Variants in GIMAP8 observed in about 807,000 individuals in gnomAD.
GIMAP8 encodes the protein GTPase IMAP family member 8.
GIMAP8 carries 29 observed loss-of-function variants against 35.6 expected under a neutral mutation model. The observed-to-expected ratio is 0.81, with a 90% CI of 0.61 to 1.11. The LOEUF is 1.11. Ranked by LOEUF, GIMAP8 falls within the 50% of genes most tolerant of loss-of-function variation. The probability of loss-of-function intolerance (pLI) is 0.00; values close to 1 mark genes in which losing one functional copy is unlikely to be tolerated. For synonymous variants in GIMAP8, 335 were observed against 308.7 expected, an observed-to-expected ratio of 1.09 and a Z score of -0.89; for missense variants, 811 against 805.0, an observed-to-expected ratio of 1.01 and a Z score of -0.09.
intron 1 of GIMAP8, among the ~76,000 whole-genome samples, chr7:150,455,138 CA>C (rs57359256): frequency 0.22 from 26,678 of 123,456 alleles, 1,969 homozygotes; most frequent in South Asian, 0.33. Context: ...AATTCCATCT[CA>C]AAAAAAAAAA....
At position 150,477,754 on chromosome 7, in the gene GIMAP8, A is replaced by T; in HGVS notation, c.1972A>T (p.Lys658Ter). The T allele has an allele frequency of 6.2e-7, 1 of 1,613,318 alleles. No homozygotes were observed. Among genetic ancestry groups the T allele is most frequent in the Non-Finnish European group, 8.5e-7 (1 of 1,179,774 alleles). ...AATGTCCCAAGCCGAAAAACTCCTT[A>T]AAAATTTAATAGGTATTTTACAATA... ...QEMSQAEKLL[K>*]NLIGILQ Residue 658 changes from lysine (K) to a stop codon, truncating the protein, a stop_gained, in exon 5 of 5, where the codon AAA becomes TAA. Transcript: ENST00000307271. LOFTEE classifies it low-confidence loss of function (END_TRUNC).
At chr7:150,466,648 T>C (rs759062965) in intron 1 of GIMAP8, 23 bp from the exon 2 acceptor site, 21 of 1,580,394 alleles carry the variant, frequency 1.3e-5, no homozygotes, top group East Asian at 4.5e-5. Flanking sequence ...TGAACATTAA[T>C]GTGTTGTTTT....
rs922817246 is a variant in GIMAP8, at chr7:150,472,328, A to G, written c.682+1454A>G. On this transcript the variant is annotated intron_variant, in intron 3 of 4. Transcript: ENST00000307271. This position sits in a 1 kb window ranked among gnomAD's most constrained non-coding sequence, Gnocchi z 4.1. The stretch of plus-strand genomic sequence containing the variant: ...AAGTGTTTGAATAATTCTTCTGTCC[A>G]AGGTGACAAGGGTGGAACGAGGCTA... Among the ~76,000 whole-genome samples, 4 of 152,246 alleles carry G rather than the reference A, an allele frequency of 2.6e-5. No individual in the cohort carries two copies. Among genetic ancestry groups the G allele is most frequent in the African/African-American group, 9.6e-5 (4 of 41,464 alleles).
Position 150,467,005 on chromosome 7 carries a change from A to G in GIMAP8, c.307A>G (p.Ile103Val). 6.2e-7 allele frequency: 1 copy of G among 1,614,214 alleles called. No individual in the cohort carries two copies. The highest frequency in any genetic ancestry group is 8.5e-7 in the Non-Finnish European group (1 of 1,180,018). Residue 103 changes from isoleucine (I) to valine (V), a missense_variant, in exon 2 of 5, where the codon ATC becomes GTC. Transcript: ENST00000307271. ...SLHALLLVIAIGHFTREDEET... is the reference protein window; with the variant it reads ...SLHALLLVIAVGHFTREDEET... The stretch of plus-strand genomic sequence containing the variant: ...CCATGCTCTGCTCTTGGTAATTGCC[A>G]TCGGCCATTTCACAAGGGAGGATGA...
intron 1 of GIMAP8, among the ~76,000 whole-genome samples, chr7:150,456,394 T>G (rs1801729830): frequency 6.6e-6 from 1 of 152,206 alleles, no homozygotes; most frequent in Admixed American, 6.5e-5. Context: ...CCTCAACTCC[T>G]GGCTCCTGCT....
intron 3 of GIMAP8, among the ~76,000 whole-genome samples, chr7:150,471,940 C>T (rs1010874728): frequency 1.2e-4 from 18 of 152,012 alleles, no homozygotes; most frequent in African/African-American, 4.4e-4. Flanking sequence ...TCTTAAAATA[C>T]ACCAGTTCAA....
At chr7:150,465,917 G>A (rs776036891) in intron 1 of GIMAP8, among the ~76,000 whole-genome samples, 9 of 152,094 alleles carry the variant, frequency 5.9e-5, no homozygotes, top group East Asian at 3.8e-4. Flanking sequence ...AGGTAATACC[G>A]CTTCTATCTT....
chr7:150,475,634 C>G (rs533399159), intron 4 of GIMAP8, among the ~76,000 whole-genome samples: 2 of 152,282 alleles, frequency 1.3e-5, no homozygotes, highest in South Asian at 4.1e-4. Context: ...CATTCTTACT[C>G]ATCCCGTTTT....
intron 1 of GIMAP8, among the ~76,000 whole-genome samples, chr7:150,464,217 A>G (rs1219320617): frequency 2.6e-5 from 4 of 152,240 alleles, no homozygotes; most frequent in Non-Finnish European, 4.4e-5. Context: ...GCTCATTTAC[A>G]TGTAATAAAA....
In GIMAP8 at chr7:150,474,050, C is replaced by G; in HGVS notation, c.721C>G (p.Gln241Glu). 6.2e-7 allele frequency: 1 copy of G among 1,614,022 alleles called. No homozygotes were observed. The highest frequency in any genetic ancestry group is 1.1e-5 in the South Asian group (1 of 91,064). Residue 241 changes from glutamine (Q) to glutamate (E), a missense_variant, in exon 4 of 5, where the codon CAG (glutamine) becomes GAG (glutamate). Gln to Glu is a conservative substitution (Grantham distance 29, BLOSUM62 2). Coordinates refer to ENST00000307271, the MANE Select transcript of GIMAP8 (RefSeq NM_175571.4). ...GCAGCTGCAGTCCACAGGACCCGAG[C>G]AGAATCCGGGGACATCAGAACTGAC... is the stretch of plus-strand genomic sequence containing the variant. ...ERQLQSTGPE[Q>E]NPGTSELTVL...
Position 150,471,930 on chromosome 7 carries a change from T to C in GIMAP8, c.682+1056T>C, listed in dbSNP as rs1802101782. Among the ~76,000 whole-genome samples, 4 of 152,150 alleles carry C rather than the reference T, an allele frequency of 2.6e-5. 1 individual carries two copies. The highest frequency in any genetic ancestry group is 2.6e-4 in the Admixed American group (4 of 15,274). On this transcript the variant is annotated intron_variant, in intron 3 of 4. Transcript: ENST00000307271. ...TTCATAGCATATTCATATATAATCCTCTTAAAATACACCAGTTCAATTCTT... is the reference window on the plus strand; with the variant it reads ...TTCATAGCATATTCATATATAATCCCCTTAAAATACACCAGTTCAATTCTT...
At chr7:150,458,300 C>T (rs1801773724) in intron 1 of GIMAP8, among the ~76,000 whole-genome samples, 1 of 152,180 alleles carries the variant, frequency 6.6e-6, no homozygotes, top group East Asian at 1.9e-4. Context: ...GCTGTAGAAC[C>T]AGGAAGAGCC....
At chr7:150,460,522 T>G (rs2116593808) in intron 1 of GIMAP8, among the ~76,000 whole-genome samples, 1 of 152,368 alleles carries the variant, frequency 6.6e-6, no homozygotes, top group Non-Finnish European at 1.5e-5. Flanking sequence ...CTACTTAAAG[T>G]TCTGCCCATT....
rs879188170 is a variant in GIMAP8 at position 150,477,975 on chromosome 7, T to G, written c.*195T>G. 36 of 574,120 alleles carry G rather than the reference T, an allele frequency of 6.3e-5. No homozygotes were observed. The highest frequency in any genetic ancestry group is 6.2e-6 in the Non-Finnish European group (2 of 324,556). 35.6% of individuals were successfully genotyped at this position (574,120 alleles called of 1,614,324 possible). A position where few individuals can be genotyped will look rare whatever the true frequency, so the allele number is the denominator to read the frequency against. Reference sequence around the variant, plus strand: ...CAGGTGGGGGCGAATAGTAGGGTATTATAAAGGAGAAAGAAGATACAAGGT... The same window carrying G: ...CAGGTGGGGGCGAATAGTAGGGTATGATAAAGGAGAAAGAAGATACAAGGT... On this transcript the variant is annotated 3_prime_UTR_variant, in exon 5 of 5. Coordinates refer to ENST00000307271, the MANE Select transcript of GIMAP8 (RefSeq NM_175571.4).
chr7:150,474,060 G>C lies in GIMAP8; in HGVS notation c.731G>C (p.Gly244Ala). Residue 244 changes from glycine (G) to alanine (A), a missense_variant, in exon 4 of 5, where the codon GGG becomes GCG. By Grantham distance (60) the Gly-to-Ala change is moderately conservative (BLOSUM62 0). Transcript: ENST00000307271. The part of the protein sequence containing the change: ...LQSTGPEQNP[G>A]TSELTVLLVG... The stretch of plus-strand genomic sequence containing the variant: ...TCCACAGGACCCGAGCAGAATCCGG[G>C]GACATCAGAACTGACAGTCCTCCTT... 1 of 1,614,084 alleles carries C rather than the reference G, an allele frequency of 6.2e-7. No homozygotes were observed. Among genetic ancestry groups the C allele is most frequent in the Non-Finnish European group, 8.5e-7 (1 of 1,180,010 alleles).
At chr7:150,462,216 G>T (rs1801858414) in intron 1 of GIMAP8, among the ~76,000 whole-genome samples, 1 of 152,198 alleles carries the variant, frequency 6.6e-6, no homozygotes, top group Admixed American at 6.5e-5. Context: ...ATCAGTTAAG[G>T]CTATTTTCAC....
At chr7:150,454,102 C>G (rs2116583597) in intron 1 of GIMAP8, among the ~76,000 whole-genome samples, 1 of 152,080 alleles carries the variant, frequency 6.6e-6, no homozygotes, top group African/African-American at 2.4e-5. Context: ...AGATGAACAG[C>G]AAGCATGTTT....
intron 1 of GIMAP8, among the ~76,000 whole-genome samples, chr7:150,457,845 A>C (rs187557284): frequency 1.1e-4 from 16 of 152,342 alleles, no homozygotes; most frequent in African/African-American, 3.6e-4. Flanking sequence ...TCCTGAGGCC[A>C]AAGCCCCAGC....
At chr7:150,456,295 T>C (rs568775466) in intron 1 of GIMAP8, among the ~76,000 whole-genome samples, 1 of 152,200 alleles carries the variant, frequency 6.6e-6, no homozygotes, top group African/African-American at 2.4e-5. Flanking sequence ...GAAATCAAGG[T>C]TTTCTGGGCA....
Sources: allele counts gnomAD v4.1 joint callset (sites outside exome capture counted in the v4.1 genomes callset), GRCh38; gene constraint gnomAD v4.1.1; non-coding constraint Gnocchi (gnomAD v3.1); transcripts MANE v1.5; gene names NCBI Gene and HGNC (gene_info 2026-07-23, HGNC 2026-07-21).